Variants in FLT1 observed in about 807,000 individuals in gnomAD.
FLT1 encodes vascular endothelial growth factor receptor 1.
A neutral mutation model predicts 156.3 loss-of-function variants in FLT1; 49 were observed. That is an observed-to-expected ratio of 0.31 (90% CI 0.25 to 0.40). FLT1 has a LOEUF of 0.40. Among genes scored for constraint, FLT1 ranks in the 10% least tolerant of loss-of-function variants. FLT1 has a pLI of 1.00. For missense variants in FLT1, 1,322 were observed against 1,637.2 expected (o/e 0.81, Z 3.32); for synonymous variants, 594 against 583.8 (o/e 1.02, Z -0.25).
chr13:28,447,855 A>G (rs1878706962), intron 3 of FLT1, among the ~76,000 whole-genome samples: 1 of 150,854 alleles, frequency 6.6e-6, no homozygotes, highest in Non-Finnish European at 1.5e-5. Context: ...AGAACATATA[A>G]AATATATTAT....
intron 1 of FLT1, among the ~76,000 whole-genome samples, chr13:28,481,395 A>G (rs1301033004): frequency 1.3e-5 from 2 of 151,858 alleles, no homozygotes; most frequent in African/African-American, 4.8e-5. Context: ...GTATTGGGAG[A>G]ATTGTTGCCA....
chr13:28,468,916 G>T (rs1466803062), intron 1 of FLT1, among the ~76,000 whole-genome samples: 1 of 152,202 alleles, frequency 6.6e-6, no homozygotes, highest in Non-Finnish European at 1.5e-5. Context: ...ACAGCCTCAT[G>T]ATTTTTTGAA....
chr13:28,367,317 C>T (rs923353852), intron 14 of FLT1, among the ~76,000 whole-genome samples: 21 of 152,140 alleles, frequency 1.4e-4, no homozygotes, highest in African/African-American at 4.6e-4. Context: ...TTTGTAGAAA[C>T]GTGTGGTGTC....
rs1156319904 is a variant in FLT1, at chr13:28,357,569, A to G, written c.2233T>C (p.Tyr745His). 6.2e-7 allele frequency: 1 copy of G among 1,614,146 alleles called. No homozygotes were observed. The highest frequency in any genetic ancestry group is 8.5e-7 in the Non-Finnish European group (1 of 1,179,954). Residue 745 changes from tyrosine to histidine, a missense_variant, in exon 15 of 30, where the codon TAC becomes CAC. Tyr to His is a moderately conservative substitution (Grantham distance 83). Around this residue, in one of 3 missense-constraint regions of FLT1, gnomAD observed 991 missense variants for 1,254.8 expected, o/e 0.79. Transcript: ENST00000282397. ...NQKGSVESSA[Y>H]LTVQGTSDKS... is the part of the protein sequence containing the mutation. Reference sequence around the variant, plus strand: ...AGCTGTTTACCTTGAACAGTGAGGTATGCTGAACTTTCCACAGAGCCCTTC... The same window carrying G: ...AGCTGTTTACCTTGAACAGTGAGGTGTGCTGAACTTTCCACAGAGCCCTTC...
chr13:28,476,187 G>A (rs968209739), intron 1 of FLT1, among the ~76,000 whole-genome samples: 20 of 152,114 alleles, frequency 1.3e-4, no homozygotes, highest in African/African-American at 4.1e-4. Context: ...CCATGAGAAC[G>A]TCAAGTTTGT....
At chr13:28,476,708 T>C (rs1880569435) in intron 1 of FLT1, among the ~76,000 whole-genome samples, 1 of 152,210 alleles carries the variant, frequency 6.6e-6, no homozygotes, top group Admixed American at 6.5e-5. Flanking sequence ...AATAGTCACG[T>C]ATATAGCATT....
intron 1 of FLT1, among the ~76,000 whole-genome samples, chr13:28,469,374 C>T (rs557853509): frequency 6.6e-6 from 1 of 152,186 alleles, no homozygotes; most frequent in African/African-American, 2.4e-5. Context: ...TCCTCTCCAG[C>T]GTTTCTCTTG....
At chr13:28,494,525 C>T (rs999009679) in intron 1 of FLT1, among the ~76,000 whole-genome samples, 7 of 152,182 alleles carry the variant, frequency 4.6e-5, no homozygotes, top group Non-Finnish European at 8.8e-5. Flanking sequence ...AACGGACAGC[C>T]CCAGCGCGGA....
chr13:28,447,787 C>T (rs148701846), intron 3 of FLT1, among the ~76,000 whole-genome samples: 372 of 150,622 alleles, frequency 2.5e-3, no homozygotes, highest in African/African-American at 8.6e-3. Context: ...AATATATAAA[C>T]ATATGTTTAG....
At chr13:28,475,180 C>T (rs1880471836) in intron 1 of FLT1, among the ~76,000 whole-genome samples, 1 of 152,192 alleles carries the variant, frequency 6.6e-6, no homozygotes, top group South Asian at 2.1e-4. Context: ...TAAATCACTC[C>T]TAATTGCATA....
At position 28,368,703 on chromosome 13, in the gene FLT1, C is replaced by CTTT. The variant is rs34319914; in HGVS notation, c.2117-11021_2117-11019dup. The CTTT allele has an allele frequency of 3.7e-3, 2,112 of 564,568 alleles. 17 individuals are homozygous for CTTT. Among genetic ancestry groups the CTTT allele is most frequent in the African/African-American group, 0.021 (909 of 44,010 alleles). 35.0% of individuals were successfully genotyped at this position (564,568 alleles called of 1,614,324 possible). On this transcript the variant is annotated intron_variant, in intron 14 of 29. Transcript: ENST00000282397. ...AATAATCATATCTTTAGATTGGCAG[C>CTTT]TTTTTTTTTTTTTTTTTTGAGACAG...
intron 1 of FLT1, among the ~76,000 whole-genome samples, chr13:28,469,476 T>C (rs1458046850): frequency 6.6e-6 from 1 of 152,230 alleles, no homozygotes; most frequent in African/African-American, 2.4e-5. Flanking sequence ...TTGGCATCAC[T>C]TAATTGGCTG....
intron 5 of FLT1, 21 bp from the exon 6 acceptor site, chr13:28,433,976 T>C (rs369008838): frequency 7.4e-6 from 12 of 1,613,848 alleles, no homozygotes; most frequent in Non-Finnish European, 1.0e-5. Context: ...AAGAGAGAAA[T>C]TTTTTAAAAT....
At chr13:28,375,816 C>A (rs1445743347) in intron 14 of FLT1, among the ~76,000 whole-genome samples, 2 of 152,200 alleles carry the variant, frequency 1.3e-5, no homozygotes, top group East Asian at 3.8e-4. Flanking sequence ...CTGCGCACAC[C>A]CTGGATATCT....
intron 14 of FLT1, among the ~76,000 whole-genome samples, chr13:28,365,585 C>T (rs1054812516): frequency 3.9e-5 from 6 of 152,188 alleles, no homozygotes; most frequent in Admixed American, 3.9e-4. Context: ...CTCCTGACCT[C>T]AAGTGATTCG....
chr13:28,303,496 C>CCT, intron 29 of FLT1, 128 bp from the exon 30 acceptor site: 1 of 799,214 alleles, frequency 1.3e-6, no homozygotes, highest in Non-Finnish European at 2.1e-6. Flanking sequence ...TTTGGAACCC[C>CCT]CCCCCCCTCA....
intron 25 of FLT1, among the ~76,000 whole-genome samples, chr13:28,312,720 G>A (rs1871055176): frequency 6.6e-6 from 1 of 152,122 alleles, no homozygotes; most frequent in Non-Finnish European, 1.5e-5. Flanking sequence ...CTTCCAGAAG[G>A]TGAAGCCCAC....
intron 3 of FLT1, 118 bp from the exon 4 acceptor site, chr13:28,438,463 G>A (rs1361233836): frequency 3.9e-6 from 3 of 776,768 alleles, no homozygotes; most frequent in Non-Finnish European, 6.6e-6. Flanking sequence ...CTCCCTTAAT[G>A]TAATCCATAC....
chr13:28,368,560 TG>T (rs1349322348), intron 14 of FLT1: 4 of 1,517,736 alleles, frequency 2.6e-6, no homozygotes, highest in Non-Finnish European at 3.6e-6. Context: ...ATGATGATGA[TG>T]ATGATAATGA....
Sources: gnomAD v4.1 joint callset for allele counts (sites outside exome capture counted in the v4.1 genomes callset) on GRCh38, gnomAD v4.1.1 for gene constraint, gnomAD v4.1.1 regional missense constraint, MANE v1.5 for transcripts, NCBI Gene and HGNC (gene_info 2026-07-23, HGNC 2026-07-21) for gene names.